The following TNFSF12 variants were observed in gnomAD, a reference collection of about 807,000 sequenced individuals.
TNFSF12 encodes the protein TNF superfamily member 12.
In TNFSF12, 16 loss-of-function variants were observed where a neutral mutation model predicts 31.2. The ratio of observed to expected loss-of-function variants is 0.51; its 90% CI spans 0.35 to 0.78. TNFSF12 has a LOEUF of 0.78. Among genes scored for constraint, TNFSF12 ranks in the 30% least tolerant of loss-of-function variants. The pLI, the probability that TNFSF12 is intolerant of heterozygous loss-of-function variation, is 0.01. For missense variants in TNFSF12, 324 were observed against 338.8 expected (o/e 0.96, Z 0.34); for synonymous variants, 150 against 151.4 (o/e 0.99, Z 0.07).
intron 5 of TNFSF12, among the ~76,000 whole-genome samples, chr17:7,552,820 T>C (rs1389591509): frequency 6.6e-6 from 1 of 151,982 alleles, no homozygotes; most frequent in East Asian, 1.9e-4. Context: ...AAACCACTGT[T>C]TCAAGGAGGA....
chr17:7,550,172 G>T lies in TNFSF12; in HGVS notation c.260G>T (p.Arg87Leu), dbSNP rs752514616. The change falls in exon 3 of 7, where the codon CGA becomes CTA. Residue 87 changes from arginine (R) to leucine (L), a missense_variant. Arg to Leu is a moderately radical substitution (Grantham distance 102). Transcript: ENST00000293825. The surrounding 1 kb of genome is among the most constrained non-coding windows in gnomAD (Gnocchi z 4.4). ...CAGGATCCTGCGCCTTTCCTGAACC[G>T]ACTAGTTCGGCCTCGCAGAAGTGGT... Reference protein sequence around the residue: ...ESQDPAPFLNRLVRPRRSAPK... With the variant: ...ESQDPAPFLNLLVRPRRSAPK... The T allele has an allele frequency of 1.2e-6, 2 of 1,614,088 alleles. No homozygotes were observed. Among genetic ancestry groups the T allele is most frequent in the Admixed American group, 1.7e-5 (1 of 60,002 alleles).
rs71159509 is a variant in TNFSF12 at position 7,553,023 on chromosome 17, CTTTTTTTTTTTTTTTT to C, written c.373+2069_373+2084del. On this transcript the variant is annotated intron_variant, in intron 5 of 6. Coordinates refer to ENST00000293825, the MANE Select transcript of TNFSF12 (RefSeq NM_003809.3). ...ATAAGGAACTGGAGGCAGGGACAAC[CTTTTTTTTTTTTTTTT>C]TTTTTTTTTTTTTTTTTTTTTTTGT... 4.4e-4 allele frequency among the ~76,000 whole-genome samples: 29 copies of C among 66,098 alleles called. No homozygotes were observed. The East Asian group carries it at 5.6e-3, about 13-fold the overall frequency. 43.4% of individuals were successfully genotyped at this position (66,098 alleles called of 152,430 possible). A position where few individuals can be genotyped will look rare whatever the true frequency, so the allele number is the denominator to read the frequency against.
chr17:7,553,726 G>C, intron 5 of TNFSF12: 8 of 1,266,788 alleles, frequency 6.3e-6, no homozygotes, highest in Non-Finnish European at 8.3e-6. Context: ...AGGGGTCCAT[G>C]CAGGGGCCAC....
At position 7,550,934 on chromosome 17, in the gene TNFSF12, A is replaced by G. The variant is rs114577645; in HGVS notation, c.338-9A>G. 3.0e-3 allele frequency: 4,865 copies of G among 1,614,076 alleles called. 106 individuals carry two copies. The African/African-American group carries it at 0.056, about 18-fold the overall frequency. ...GCAGGTCTCACCAGCCTTTTCCTGT[A>G]CTTTACAGTTCATCCACGACCTGGA... On this transcript the variant is annotated splice_polypyrimidine_tract_variant and intron_variant, in intron 4 of 6. Transcript: ENST00000293825. The surrounding 1 kb of genome is among the most constrained non-coding windows in gnomAD (Gnocchi z 4.4).
intron 5 of TNFSF12, chr17:7,553,891 G>A (rs910294227): frequency 1.1e-5 from 11 of 1,039,976 alleles, no homozygotes; most frequent in African/African-American, 1.7e-5. Context: ...AGGTCCTCTG[G>A]ACAACTAGGG....
At position 7,550,076 on chromosome 17, in the gene TNFSF12, T is replaced by G. The variant is rs375983453; in HGVS notation, c.208-44T>G. Reference sequence around the variant, plus strand: ...GACAGGCCCCGTATGTCTCACTTTATATCTCTGGGAGTCTGTGGTTGAACC... The same window carrying G: ...GACAGGCCCCGTATGTCTCACTTTAGATCTCTGGGAGTCTGTGGTTGAACC... On this transcript the variant is annotated intron_variant, in intron 2 of 6. Coordinates refer to ENST00000293825, the MANE Select transcript of TNFSF12 (RefSeq NM_003809.3). The surrounding 1 kb of genome is among the most constrained non-coding windows in gnomAD (Gnocchi z 4.4). 3.7e-6 allele frequency: 6 copies of G among 1,613,978 alleles called. No homozygotes were observed.
chr17:7,555,978 TTTTG>T (rs1328598872), intron 5 of TNFSF12, among the ~76,000 whole-genome samples: 11 of 98,252 alleles, frequency 1.1e-4, no homozygotes, highest in Non-Finnish European at 1.2e-4. Flanking sequence ...TGAGCGTTTT[TTTTG>T]TTTTTTTTTT....
intron 5 of TNFSF12, 97 bp downstream of exon 5, chr17:7,551,075 A>C: frequency 6.3e-7 from 1 of 1,588,964 alleles, no homozygotes; most frequent in South Asian, 1.1e-5. Flanking sequence ...CAGTCTCAGA[A>C]CCACAGAAGC....
At position 7,557,501 on chromosome 17, in the gene TNFSF12, C is replaced by A; in HGVS notation, c.*151C>A. ...CTGCCTGGGCCTGTTCACGTGTTTTCCATCCCACATAAATACAGTATTCCC... is the reference window on the plus strand; with the variant it reads ...CTGCCTGGGCCTGTTCACGTGTTTTACATCCCACATAAATACAGTATTCCC... On this transcript the variant is annotated 3_prime_UTR_variant, in exon 7 of 7. Coordinates refer to ENST00000293825, the MANE Select transcript of TNFSF12 (RefSeq NM_003809.3). The surrounding 1 kb of genome is among the most constrained non-coding windows in gnomAD (Gnocchi z 5.2). The A allele has an allele frequency of 9.3e-7, 1 of 1,070,940 alleles. No homozygotes were observed. The highest frequency in any genetic ancestry group is 1.3e-6 in the Non-Finnish European group (1 of 769,812). 66.3% of individuals were successfully genotyped at this position (1,070,940 alleles called of 1,614,324 possible). A position where few individuals can be genotyped will look rare whatever the true frequency, so the allele number is the denominator to read the frequency against.
Position 7,550,176 on chromosome 17 carries a change from AGTTC to A in TNFSF12, c.266_269del (p.Val89GlyfsTer41). The A allele has an allele frequency of 3.1e-6, 5 of 1,614,124 alleles. No homozygotes were observed. Among genetic ancestry groups the A allele is most frequent in the Non-Finnish European group, 4.2e-6 (5 of 1,180,024 alleles). On this transcript the variant is annotated frameshift_variant, in exon 3 of 7. Coordinates refer to ENST00000293825, the MANE Select transcript of TNFSF12 (RefSeq NM_003809.3). LOFTEE classifies it high-confidence loss of function. The surrounding 1 kb of genome is among the most constrained non-coding windows in gnomAD (Gnocchi z 4.4). The stretch of plus-strand genomic sequence containing the variant: ...ATCCTGCGCCTTTCCTGAACCGACT[AGTTC>A]GGCCTCGCAGAAGTGGTGAGCATCC...
At chr17:7,556,728 G>C in intron 5 of TNFSF12, 50 bp from the exon 6 acceptor site, 1 of 1,436,386 alleles carries the variant, frequency 7.0e-7, no homozygotes, top group African/African-American at 1.4e-5. Context: ...GGGGAGTGTG[G>C]GGGAGTCCTG....
chr17:7,553,023 C>CTTTCTTTTTTTTTTTT (rs1567721053), intron 5 of TNFSF12, among the ~76,000 whole-genome samples: 3 of 66,054 alleles, frequency 4.5e-5, no homozygotes, highest in African/African-American at 2.2e-4. Flanking sequence ...CAGGGACAAC[C>CTTTCTTTTTTTTTTTT]TTTTTTTTTT....
intron 5 of TNFSF12, among the ~76,000 whole-genome samples, chr17:7,555,644 G>C (rs1233294634): frequency 6.6e-6 from 1 of 152,192 alleles, no homozygotes; most frequent in African/African-American, 2.4e-5. Flanking sequence ...ACCAGACAGA[G>C]GCACCAGATG....
chr17:7,550,091 G>A lies in TNFSF12; in HGVS notation c.208-29G>A. ...TCTCACTTTATATCTCTGGGAGTCT[G>A]TGGTTGAACCCTGCCCTAATTCCCC... is the stretch of plus-strand genomic sequence containing the variant. On this transcript the variant is annotated intron_variant, in intron 2 of 6. Coordinates refer to ENST00000293825, the MANE Select transcript of TNFSF12 (RefSeq NM_003809.3). The surrounding 1 kb of genome is among the most constrained non-coding windows in gnomAD (Gnocchi z 4.4). 6.2e-7 allele frequency: 1 copy of A among 1,614,008 alleles called. No individual in the cohort carries two copies.
chr17:7,551,016 G>C (rs112224660), intron 5 of TNFSF12, 38 bp downstream of exon 5: 110 of 1,612,350 alleles, frequency 6.8e-5, no homozygotes, highest in Non-Finnish European at 2.0e-5. Context: ...TGGCCTCCTG[G>C]GAAAAGGGCC....
chr17:7,549,965 C>A lies in TNFSF12; in HGVS notation c.208-155C>A. On this transcript the variant is annotated intron_variant, in intron 2 of 6. Coordinates refer to ENST00000293825, the MANE Select transcript of TNFSF12 (RefSeq NM_003809.3). This position sits in a 1 kb window ranked among gnomAD's most constrained non-coding sequence, Gnocchi z 4.1. ...GACTGGGGCCTGACTCCCAGCTTCACCTTTGCCCGGGGCCCCAGCTGTAGT... is the reference window on the plus strand; with the variant it reads ...GACTGGGGCCTGACTCCCAGCTTCAACTTTGCCCGGGGCCCCAGCTGTAGT... The A allele has an allele frequency of 9.0e-7, 1 of 1,111,474 alleles. No homozygotes were observed. Among genetic ancestry groups the A allele is most frequent in the Non-Finnish European group, 1.3e-6 (1 of 761,190 alleles). 68.9% of individuals were successfully genotyped at this position (1,111,474 alleles called of 1,614,324 possible). A position where few individuals can be genotyped will look rare whatever the true frequency, so the allele number is the denominator to read the frequency against.
In TNFSF12 at chr17:7,557,044, A is replaced by G; in HGVS notation, c.499-55A>G. The stretch of plus-strand genomic sequence containing the variant: ...ATGCCTGCGTCGCTGAGGAAATTGG[A>G]AATTGAGGCGAGGGCAGGCAGAGGC... On this transcript the variant is annotated intron_variant, in intron 6 of 6. Transcript: ENST00000293825. The surrounding 1 kb of genome is among the most constrained non-coding windows in gnomAD (Gnocchi z 5.2). The G allele has an allele frequency of 6.4e-7, 1 of 1,563,456 alleles. No homozygotes were observed. The highest frequency in any genetic ancestry group is 1.7e-4 in the Middle Eastern group (1 of 5,858).
At chr17:7,555,826 G>T (rs1168994618) in intron 5 of TNFSF12, among the ~76,000 whole-genome samples, 1 of 152,092 alleles carries the variant, frequency 6.6e-6, no homozygotes, top group African/African-American at 2.4e-5. Context: ...GGTCAGCTCA[G>T]TGTTGGTTGA....
chr17:7,555,982 G>GTTTTTTTTTTTTTTTTTTTT (rs1167470187), intron 5 of TNFSF12, among the ~76,000 whole-genome samples: 3 of 117,734 alleles, frequency 2.5e-5, no homozygotes, highest in Non-Finnish European at 3.4e-5. Flanking sequence ...CGTTTTTTTT[G>GTTTTTTTTTTTTTTTTTTTT]TTTTTTTTTT....
Sources: gnomAD v4.1 joint callset for allele counts (sites outside exome capture counted in the v4.1 genomes callset) on GRCh38, gnomAD v4.1.1 for gene constraint, Gnocchi (gnomAD v3.1) non-coding constraint, MANE v1.5 for transcripts, NCBI Gene and HGNC (gene_info 2026-07-23, HGNC 2026-07-21) for gene names.